BCKDHB: variants seen among roughly 807,000 people sequenced by gnomAD.
BCKDHB encodes the protein 2-oxoisovalerate dehydrogenase subunit beta, mitochondrial.
A neutral mutation model predicts 48.5 loss-of-function variants in BCKDHB; 41 were observed. The ratio of observed to expected loss-of-function variants is 0.85; its 90% CI spans 0.66 to 1.10. BCKDHB has a LOEUF of 1.10. Among genes scored for constraint, BCKDHB ranks in the 50% least tolerant of loss-of-function variants. The pLI is 0.00. For missense variants in BCKDHB, 496 were observed against 494.2 expected (o/e 1.00, Z -0.03); for synonymous variants, 201 against 174.8 (o/e 1.15, Z -1.18).
At chr6:80,113,980 C>T (rs1391478963) in intron 1 of BCKDHB, among the ~76,000 whole-genome samples, 1 of 152,180 alleles carries the variant, frequency 6.6e-6, no homozygotes, top group Non-Finnish European at 1.5e-5. Flanking sequence ...TGGCCCATGA[C>T]TAGCCTGATT....
At chr6:80,392,196 G>A in the BCKDHB span, among the ~76,000 whole-genome samples, 2 of 152,068 alleles carry the variant, frequency 1.3e-5, no homozygotes, top group Non-Finnish European at 2.9e-5. Flanking sequence ...GCTCCACTAT[G>A]TTGTCCAGGC....
intron 9 of BCKDHB, among the ~76,000 whole-genome samples, chr6:80,318,022 GTGTCAGGATATACAC>G (rs1768533764): frequency 6.6e-6 from 1 of 152,040 alleles, no homozygotes; most frequent in South Asian, 2.1e-4. Flanking sequence ...TTATCTCTGT[GTGTCAGGATATACAC>G]TGTACTCTAT....
the BCKDHB span, among the ~76,000 whole-genome samples, chr6:80,423,597 C>T: frequency 6.6e-6 from 1 of 152,150 alleles, no homozygotes; most frequent in African/African-American, 2.4e-5. Flanking sequence ...TAGCTTTAAG[C>T]CATATTTAAT....
the BCKDHB span, among the ~76,000 whole-genome samples, chr6:80,466,313 T>A: frequency 6.6e-6 from 1 of 152,154 alleles, no homozygotes; most frequent in East Asian, 1.9e-4. Flanking sequence ...TAACAAAAAA[T>A]TTTTGGAAGA....
chr6:80,389,318 A>G, the BCKDHB span, among the ~76,000 whole-genome samples: 1 of 152,194 alleles, frequency 6.6e-6, no homozygotes, highest in South Asian at 2.1e-4. Flanking sequence ...TGACCTGGCT[A>G]TGGCCACTGC....
chr6:80,429,060 G>T, the BCKDHB span, among the ~76,000 whole-genome samples: 2 of 152,152 alleles, frequency 1.3e-5, no homozygotes, highest in Non-Finnish European at 2.9e-5. Flanking sequence ...AAGGTGTAAG[G>T]GAGGGGTCCA....
chr6:80,433,299 T>C, the BCKDHB span, among the ~76,000 whole-genome samples: 1 of 152,086 alleles, frequency 6.6e-6, no homozygotes, highest in African/African-American at 2.4e-5. Flanking sequence ...CCCAGGGAGA[T>C]GGGGGTTTTA....
At position 80,324,259 on chromosome 6, in the gene BCKDHB, A is replaced by G. The variant is rs77851682; in HGVS notation, c.1039-19405A>G. Among the ~76,000 whole-genome samples the G allele has an allele frequency of 5.1e-3, 773 of 152,302 alleles. 10 individuals carry two copies. Among genetic ancestry groups the G allele is most frequent in the Admixed American group, 0.033 (507 of 15,302 alleles). The stretch of plus-strand genomic sequence containing the variant: ...CATTTAAAATTCTGATACCGTGACC[A>G]TACCCAAGAATAATTAAATAAGACT... On this transcript the variant is annotated intron_variant, in intron 9 of 9. Transcript: ENST00000320393.
intron 6 of BCKDHB, among the ~76,000 whole-genome samples, chr6:80,171,649 C>A (rs544089875): frequency 6.6e-6 from 1 of 152,144 alleles, no homozygotes; most frequent in African/African-American, 2.4e-5. Flanking sequence ...CTATGTTTAA[C>A]CACATAGTAG....
the BCKDHB span, among the ~76,000 whole-genome samples, chr6:80,389,748 A>C: frequency 6.6e-6 from 1 of 152,204 alleles, no homozygotes; most frequent in African/African-American, 2.4e-5. Flanking sequence ...TACAATGCCA[A>C]CTAGGTGACA....
the BCKDHB span, among the ~76,000 whole-genome samples, chr6:80,431,671 C>G: frequency 6.6e-6 from 1 of 151,960 alleles, no homozygotes; most frequent in South Asian, 2.1e-4. Flanking sequence ...TTCCATTTGC[C>G]TGGTAAATAT....
chr6:80,251,667 T>C (rs1208855537), intron 8 of BCKDHB: 1 of 152,200 alleles, frequency 6.6e-6, no homozygotes, highest in Non-Finnish European at 1.5e-5. Flanking sequence ...TCTGTTCTCA[T>C]AAAAAATTAT....
At chr6:80,429,570 C>G in the BCKDHB span, among the ~76,000 whole-genome samples, 1 of 152,170 alleles carries the variant, frequency 6.6e-6, no homozygotes, top group Non-Finnish European at 1.5e-5. Flanking sequence ...TTGTAGTTCT[C>G]CTTGAAGAGG....
chr6:80,436,474 A>T, the BCKDHB span, among the ~76,000 whole-genome samples: 1 of 151,914 alleles, frequency 6.6e-6, no homozygotes, highest in South Asian at 2.1e-4. Flanking sequence ...TTATAATCTC[A>T]TGTTTTTACC....
chr6:80,145,335 G>A (rs994990781), intron 3 of BCKDHB, among the ~76,000 whole-genome samples: 1 of 152,146 alleles, frequency 6.6e-6, no homozygotes, highest in African/African-American at 2.4e-5. Flanking sequence ...TGTGTTGATG[G>A]TGCAGTAACA....
chr6:80,307,565 TA>T (rs1407358685), intron 9 of BCKDHB: 37 of 976,322 alleles, frequency 3.8e-5, no homozygotes, highest in African/African-American at 6.1e-5. Context: ...CATGAATGAC[TA>T]AAAAAAATCT....
chr6:80,124,839 A>G (rs1770254452), intron 1 of BCKDHB, among the ~76,000 whole-genome samples: 2 of 152,160 alleles, frequency 1.3e-5, no homozygotes, highest in Non-Finnish European at 2.9e-5. Flanking sequence ...GCTATCATTC[A>G]GGGTTTGTTG....
intron 5 of BCKDHB, chr6:80,169,990 G>T (rs1401918520): frequency 1.6e-6 from 2 of 1,220,990 alleles, no homozygotes; most frequent in South Asian, 3.3e-5. Flanking sequence ...GATCTTTTCT[G>T]TCTGTCCCCT....
intron 6 of BCKDHB, among the ~76,000 whole-genome samples, chr6:80,176,143 A>G (rs1036185242): frequency 3.3e-5 from 5 of 152,190 alleles, no homozygotes; most frequent in Non-Finnish European, 7.3e-5. Flanking sequence ...TTTAGATTAT[A>G]TGAAATATTT....
Sources: gnomAD v4.1 joint callset for allele counts (sites outside exome capture counted in the v4.1 genomes callset) on GRCh38, gnomAD v4.1.1 for gene constraint, MANE v1.5 for transcripts, NCBI Gene and HGNC (gene_info 2026-07-23, HGNC 2026-07-21) for gene names.